USP6NL: variants seen among roughly 807,000 people sequenced by gnomAD.
USP6NL encodes the protein USP6 N-terminal-like protein.
USP6NL carries 26 observed loss-of-function variants against 61.9 expected under a neutral mutation model. That is an observed-to-expected ratio of 0.42 (90% CI 0.31 to 0.58). The LOEUF is 0.58. Ranked by LOEUF, USP6NL falls within the 20% of genes least tolerant of loss-of-function variation. The pLI, the probability that USP6NL is intolerant of heterozygous loss-of-function variation, is 0.16. For synonymous variants in USP6NL, 432 were observed against 390.1 expected (o/e 1.11, Z -1.27); for missense variants, 1,114 against 1,034.3 (o/e 1.08, Z -1.06).
chr10:11,481,630 G>A lies in USP6NL; in HGVS notation c.1078+140C>T, dbSNP rs1475010569. 2.3e-6 allele frequency: 2 copies of A among 852,746 alleles called. No homozygotes were observed. Among genetic ancestry groups the A allele is most frequent in the Non-Finnish European group, 3.2e-6 (2 of 617,736 alleles). The allele number at this position is 852,746 out of a possible 1,614,324, so 52.8% of individuals were successfully genotyped here. The stretch of plus-strand genomic sequence containing the variant: ...AAATAAGGAAAAAGCCAAAGCAGCT[G>A]AGCTGGTAAGGCATTCATCCACATT... On this transcript the variant is annotated intron_variant, in intron 14 of 14. Coordinates refer to ENST00000609104, the MANE Select transcript of USP6NL (RefSeq NM_014688.5). The surrounding 1 kb of genome is among the most constrained non-coding windows in gnomAD (Gnocchi z 4.4).
chr10:11,522,193 AG>A (rs1465455478), intron 4 of USP6NL, among the ~76,000 whole-genome samples: 1 of 152,268 alleles, frequency 6.6e-6, no homozygotes, highest in East Asian at 1.9e-4. Flanking sequence ...ATATAATAAC[AG>A]GTAATTTAAG....
At chr10:11,610,129 A>T (rs1225372471) in intron 1 of USP6NL, among the ~76,000 whole-genome samples, 3 of 152,210 alleles carry the variant, frequency 2.0e-5, no homozygotes, top group Non-Finnish European at 4.4e-5. Flanking sequence ...TGTACTTGCA[A>T]TTAGGATTTC....
rs558379437 is a variant in USP6NL, at chr10:11,465,376, T to C, written c.1079-1527A>G. Among the ~76,000 whole-genome samples, 2 of 152,190 alleles carry C rather than the reference T, an allele frequency of 1.3e-5. No individual in the cohort carries two copies. Among genetic ancestry groups the C allele is most frequent in the Non-Finnish European group, 2.9e-5 (2 of 68,030 alleles). ...TGTGACGCCCAGAGTGGTGAATGCATGCCTGAAGATGCACTGTCACAGGGG... is the reference window on the plus strand; with the variant it reads ...TGTGACGCCCAGAGTGGTGAATGCACGCCTGAAGATGCACTGTCACAGGGG... On this transcript the variant is annotated intron_variant, in intron 14 of 14. Transcript: ENST00000609104. The surrounding 1 kb of genome is among the most constrained non-coding windows in gnomAD (Gnocchi z 4.5).
In USP6NL at chr10:11,463,607, TG is replaced by T. The variant is rs1360082625; in HGVS notation, c.1320del (p.Ser440ArgfsTer95). On this transcript the variant is annotated frameshift_variant, in exon 15 of 15. Coordinates refer to ENST00000609104, the MANE Select transcript of USP6NL (RefSeq NM_014688.5). LOFTEE classifies it low-confidence loss of function (END_TRUNC). The surrounding 1 kb of genome is among the most constrained non-coding windows in gnomAD (Gnocchi z 6.3). ...AAATCTGCCTCATCTTTAAGCTTTT[TG>T]CTCTCCTCCTCCACCGATTTCCGTC... Reference protein sequence around the residue: ...PPRRKSVEEESKKLKDEADFQ... With the variant: ...PPRRKSVEEEXKKLKDEADFQ... 1 of 1,613,992 alleles carries T rather than the reference TG, an allele frequency of 6.2e-7. No homozygotes were observed. Among genetic ancestry groups the T allele is most frequent in the Admixed American group, 1.7e-5 (1 of 60,032 alleles).
rs1314296750 is a variant in USP6NL at position 11,474,191 on chromosome 10, C to G, written c.1078+7579G>C. On this transcript the variant is annotated intron_variant, in intron 14 of 14. Transcript: ENST00000609104. The surrounding 1 kb of genome is among the most constrained non-coding windows in gnomAD (Gnocchi z 4.9). ...TCTGTAGTTTTTTGCATTAAGGAAT[C>G]TGTTTGTATTTAGAATTTTCTGTGT... Among the ~76,000 whole-genome samples the G allele has an allele frequency of 1.3e-5, 2 of 152,182 alleles. No individual in the cohort carries two copies. The highest frequency in any genetic ancestry group is 2.9e-5 in the Non-Finnish European group (2 of 68,022).
At chr10:11,544,315 T>C (rs1836188801) in intron 2 of USP6NL, among the ~76,000 whole-genome samples, 1 of 152,162 alleles carries the variant, frequency 6.6e-6, no homozygotes, top group African/African-American at 2.4e-5. Context: ...ATTATGTCAA[T>C]TTCCACATAA....
At chr10:11,519,173 C>G (rs1835097610) in intron 4 of USP6NL, among the ~76,000 whole-genome samples, 1 of 152,212 alleles carries the variant, frequency 6.6e-6, no homozygotes, top group African/African-American at 2.4e-5. Flanking sequence ...TGAGCTGGAT[C>G]TGCTCCACAG....
rs936994678 is a variant in USP6NL, at chr10:11,591,200, C to T, written c.4+6431G>A. Reference sequence around the variant, plus strand: ...CATAAAGAGGCCAGCCACTGGAAAACTTACTGCTTTCAGAATGGAATTCGA... The same window carrying T: ...CATAAAGAGGCCAGCCACTGGAAAATTTACTGCTTTCAGAATGGAATTCGA... On this transcript the variant is annotated intron_variant, in intron 2 of 14. Transcript: ENST00000609104. This position sits in a 1 kb window ranked among gnomAD's most constrained non-coding sequence, Gnocchi z 4.7. Among the ~76,000 whole-genome samples the T allele has an allele frequency of 5.3e-5, 8 of 152,278 alleles. No homozygotes were observed. The highest frequency in any genetic ancestry group is 4.6e-4 in the Admixed American group (7 of 15,304).
rs1835045244 is a variant in USP6NL at position 11,518,366 on chromosome 10, A to AT, written c.195+168dup. 6.6e-6 allele frequency among the ~76,000 whole-genome samples: 1 copy of AT among 152,174 alleles called. No individual in the cohort carries two copies. The highest frequency in any genetic ancestry group is 1.5e-5 in the Non-Finnish European group (1 of 68,032). ...GAATCTCCTAAAATCTCCTAATATT[A>AT]TTTCACCATTAACTATTATCTTACA... On this transcript the variant is annotated intron_variant, in intron 5 of 14. Coordinates refer to ENST00000609104, the MANE Select transcript of USP6NL (RefSeq NM_014688.5). The surrounding 1 kb of genome is among the most constrained non-coding windows in gnomAD (Gnocchi z 5.3).
chr10:11,494,475 G>A (rs1279953498), intron 7 of USP6NL, among the ~76,000 whole-genome samples: 1 of 152,192 alleles, frequency 6.6e-6, no homozygotes, highest in Admixed American at 6.5e-5. Context: ...CTCCCCGTGT[G>A]TGGCGACGAG....
intron 1 of USP6NL, among the ~76,000 whole-genome samples, chr10:11,608,635 T>C (rs1249044496): frequency 1.3e-5 from 2 of 152,134 alleles, no homozygotes; most frequent in African/African-American, 2.4e-5. Flanking sequence ...GTTCCCTAGG[T>C]ATGGGTTTTA....
In USP6NL at chr10:11,499,895, C is replaced by G. The variant is rs915878736; in HGVS notation, c.384+1206G>C. On this transcript the variant is annotated intron_variant, in intron 7 of 14. Coordinates refer to ENST00000609104, the MANE Select transcript of USP6NL (RefSeq NM_014688.5). This position sits in a 1 kb window ranked among gnomAD's most constrained non-coding sequence, Gnocchi z 4.5. ...CATGTAAATAAAGTGCTTTTTCTTT[C>G]ATTTTCTACTTTCATTATTTAAACA... Among the ~76,000 whole-genome samples the G allele has an allele frequency of 1.3e-5, 2 of 152,066 alleles. No homozygotes were observed. The highest frequency in any genetic ancestry group is 4.8e-5 in the African/African-American group (2 of 41,406).
At position 11,528,017 on chromosome 10, in the gene USP6NL, T is replaced by C. The variant is rs1835488835; in HGVS notation, c.5-450A>G. Among the ~76,000 whole-genome samples the C allele has an allele frequency of 6.6e-6, 1 of 152,106 alleles. No individual in the cohort carries two copies. The highest frequency in any genetic ancestry group is 2.4e-5 in the African/African-American group (1 of 41,424). ...TATTTTACATGATACAAATATGTCTTTGTTTAGCCTTTTAGTTCCCTTTAT... is the reference window on the plus strand; with the variant it reads ...TATTTTACATGATACAAATATGTCTCTGTTTAGCCTTTTAGTTCCCTTTAT... On this transcript the variant is annotated intron_variant, in intron 2 of 14. Coordinates refer to ENST00000609104, the MANE Select transcript of USP6NL (RefSeq NM_014688.5). This position sits in a 1 kb window ranked among gnomAD's most constrained non-coding sequence, Gnocchi z 4.6.
chr10:11,589,116 T>C lies in USP6NL; in HGVS notation c.4+8515A>G, dbSNP rs1044404557. 4.6e-5 allele frequency among the ~76,000 whole-genome samples: 7 copies of C among 152,252 alleles called. No homozygotes were observed. In the East Asian group the frequency reaches 9.6e-4, roughly 21 times the overall value. On this transcript the variant is annotated intron_variant, in intron 2 of 14. Transcript: ENST00000609104. This position sits in a 1 kb window ranked among gnomAD's most constrained non-coding sequence, Gnocchi z 4.7. ...AGAGAGACTCTAACAGCAGTAAAGG[T>C]TTCCCCTTAGCAGTAAGGCAACCTG...
At position 11,567,512 on chromosome 10, in the gene USP6NL, T is replaced by C. The variant is rs557112610; in HGVS notation, c.4+30119A>G. 3.9e-5 allele frequency among the ~76,000 whole-genome samples: 6 copies of C among 152,354 alleles called. No individual in the cohort carries two copies. In the East Asian group the frequency reaches 7.7e-4, roughly 20 times the overall value. Reference sequence around the variant, plus strand: ...CACAATTTTGACTTCAAATATGACATAGCTGAATTTAAGGAATAAATATAC... The same window carrying C: ...CACAATTTTGACTTCAAATATGACACAGCTGAATTTAAGGAATAAATATAC... On this transcript the variant is annotated intron_variant, in intron 2 of 14. Coordinates refer to ENST00000609104, the MANE Select transcript of USP6NL (RefSeq NM_014688.5).
At chr10:11,569,232 G>A (rs1347583758) in intron 2 of USP6NL, among the ~76,000 whole-genome samples, 1 of 152,024 alleles carries the variant, frequency 6.6e-6, no homozygotes. Flanking sequence ...AAATATCTGC[G>A]ATATCTGAAA....
At chr10:11,568,938 C>G (rs1295499201) in intron 2 of USP6NL, among the ~76,000 whole-genome samples, 1 of 152,138 alleles carries the variant, frequency 6.6e-6, no homozygotes, top group African/African-American at 2.4e-5. Context: ...GTTTTTTAAC[C>G]TAGGGCACTA....
At position 11,499,112 on chromosome 10, in the gene USP6NL, G is replaced by A. The variant is rs1030924510; in HGVS notation, c.384+1989C>T. On this transcript the variant is annotated intron_variant, in intron 7 of 14. Coordinates refer to ENST00000609104, the MANE Select transcript of USP6NL (RefSeq NM_014688.5). The surrounding 1 kb of genome is among the most constrained non-coding windows in gnomAD (Gnocchi z 4.5). ...ATTTCACCCATCTGAGAAAAGTCTC[G>A]GCAGATTAAGAGAAGGTTGTAGTTT... Among the ~76,000 whole-genome samples, 4 of 152,074 alleles carry A rather than the reference G, an allele frequency of 2.6e-5. No homozygotes were observed. Among genetic ancestry groups the A allele is most frequent in the South Asian group, 4.2e-4 (2 of 4,812 alleles).
chr10:11,492,969 T>C (rs1833763206), intron 8 of USP6NL, 150 bp downstream of exon 8: 3 of 593,852 alleles, frequency 5.1e-6, no homozygotes, highest in South Asian at 6.1e-5. Context: ...AGATCTTAAG[T>C]TTCACACAAC....
Sources: allele counts gnomAD v4.1 joint callset (sites outside exome capture counted in the v4.1 genomes callset), GRCh38; gene constraint gnomAD v4.1.1; non-coding constraint Gnocchi (gnomAD v3.1); transcripts MANE v1.5; gene names NCBI Gene and HGNC (gene_info 2026-07-23, HGNC 2026-07-21).